The following SFXN5 variants were observed in gnomAD, a reference collection of about 807,000 sequenced individuals.
SFXN5 encodes the protein sideroflexin-5.
SFXN5 carries 43 observed loss-of-function variants against 50.2 expected under a neutral mutation model. That is an observed-to-expected ratio of 0.86 (90% CI 0.67 to 1.11). The LOEUF is 1.11. SFXN5 is among the 50% of genes least tolerant of loss of function. The probability of loss-of-function intolerance (pLI) is 0.00; values close to 1 mark genes in which losing one functional copy is unlikely to be tolerated. For missense variants in SFXN5, 463 were observed against 454.1 expected, an observed-to-expected ratio of 1.02 and a Z score of -0.18; for synonymous variants, 203 against 185.8, an observed-to-expected ratio of 1.09 and a Z score of -0.75.
chr2:73,047,217 C>T (rs1250228624), intron 2 of SFXN5, among the ~76,000 whole-genome samples: 4 of 23,988 alleles, frequency 1.7e-4, no homozygotes, highest in East Asian at 1.7e-3. Flanking sequence ...GACTCCATCT[C>T]GTAAAAAAAA....
intron 2 of SFXN5, among the ~76,000 whole-genome samples, chr2:73,048,031 A>G (rs1160631873): frequency 6.6e-6 from 1 of 152,248 alleles, no homozygotes; most frequent in African/African-American, 2.4e-5. Context: ...TCATGACATG[A>G]AAAACTGCTC....
At chr2:73,037,591 G>T (rs1002399691) in intron 3 of SFXN5, among the ~76,000 whole-genome samples, 1 of 152,132 alleles carries the variant, frequency 6.6e-6, no homozygotes, top group African/African-American at 2.4e-5. Flanking sequence ...TGGAATTTCA[G>T]AAACAAATTT....
intron 12 of SFXN5, among the ~76,000 whole-genome samples, chr2:72,966,432 C>G (rs374378667): frequency 7.9e-5 from 12 of 152,282 alleles, no homozygotes; most frequent in African/African-American, 2.6e-4. Context: ...CCTCAGTTCA[C>G]GAAGGGGCTA....
intron 3 of SFXN5, among the ~76,000 whole-genome samples, chr2:73,040,158 T>C (rs560513317): frequency 5.9e-5 from 9 of 152,282 alleles, no homozygotes; most frequent in Non-Finnish European, 1.2e-4. Context: ...TATGCACACA[T>C]GACTTTGAAA....
At chr2:73,069,360 G>A (rs771556785) in intron 1 of SFXN5, among the ~76,000 whole-genome samples, 5 of 152,148 alleles carry the variant, frequency 3.3e-5, no homozygotes, top group Non-Finnish European at 5.9e-5. Flanking sequence ...TGTGTAAGAG[G>A]TAAGATCACT....
chr2:73,059,784 C>T lies in SFXN5; in HGVS notation c.103-1188G>A, dbSNP rs1574266746. On this transcript the variant is annotated intron_variant, in intron 1 of 13. Transcript: ENST00000272433. ...AGACCATTTTCCCATTAAAGACATA[C>T]ATAAGGGAGGCTCACAATGCTGTCC... 4.1e-6 allele frequency: 4 copies of T among 979,828 alleles called. 1 individual carries two copies. Among genetic ancestry groups the T allele is most frequent in the East Asian group, 1.2e-4 (1 of 8,478 alleles). The allele number at this position is 979,828 out of a possible 1,614,324, so 60.7% of individuals were successfully genotyped here.
intron 11 of SFXN5, among the ~76,000 whole-genome samples, chr2:72,971,171 C>T (rs1006277957): frequency 4.6e-5 from 7 of 152,154 alleles, no homozygotes; most frequent in Non-Finnish European, 1.0e-4. Context: ...GAACCACAAA[C>T]CACTGGCCTC....
chr2:72,975,332 T>C (rs1574006172), intron 10 of SFXN5, among the ~76,000 whole-genome samples: 1 of 152,094 alleles, frequency 6.6e-6, no homozygotes, highest in South Asian at 2.1e-4. Flanking sequence ...AAGAAGATCA[T>C]GGGGGAGCCT....
At chr2:72,952,942 T>A (rs749814218) in intron 13 of SFXN5, among the ~76,000 whole-genome samples, 1 of 152,188 alleles carries the variant, frequency 6.6e-6, no homozygotes, top group Non-Finnish European at 1.5e-5. Flanking sequence ...TAATGGAAGC[T>A]CTGCACAACC....
intron 6 of SFXN5, among the ~76,000 whole-genome samples, chr2:73,009,103 T>C (rs138330884): frequency 2.7e-4 from 41 of 152,298 alleles, no homozygotes; most frequent in African/African-American, 9.4e-4. Flanking sequence ...AGGGACCCAG[T>C]TCCTAGCACA....
chr2:73,028,392 G>A (rs572886333), intron 3 of SFXN5, among the ~76,000 whole-genome samples: 11 of 152,294 alleles, frequency 7.2e-5, no homozygotes, highest in Admixed American at 7.2e-4. Context: ...AGTGACTGCT[G>A]CAACCCTCCA....
chr2:73,071,527 G>C (rs1180516956), intron 1 of SFXN5, 77 bp downstream of exon 1: 2 of 1,396,656 alleles, frequency 1.4e-6, no homozygotes, highest in African/African-American at 2.9e-5. Context: ...CCCTTGGGCG[G>C]AAGGGGACTT....
At chr2:73,048,143 G>T (rs181330468) in intron 2 of SFXN5, among the ~76,000 whole-genome samples, 175 of 152,198 alleles carry the variant, frequency 1.1e-3, no homozygotes, top group African/African-American at 4.0e-3. Flanking sequence ...GTATATACAC[G>T]TATCATGCAT....
At chr2:73,060,660 A>G (rs190920458) in intron 1 of SFXN5, among the ~76,000 whole-genome samples, 5 of 152,192 alleles carry the variant, frequency 3.3e-5, no homozygotes, top group African/African-American at 1.2e-4. Context: ...AGTCTCCTGA[A>G]TATAATTACT....
chr2:73,062,968 A>G (rs1347861816), intron 1 of SFXN5, among the ~76,000 whole-genome samples: 1 of 152,156 alleles, frequency 6.6e-6, no homozygotes, highest in Admixed American at 6.5e-5. Flanking sequence ...ACTACCGAGG[A>G]TCTACTGTGT....
chr2:73,058,657 C>T (rs1461250438), intron 1 of SFXN5, 61 bp from the exon 2 acceptor site: 11 of 1,473,804 alleles, frequency 7.5e-6, no homozygotes, highest in Admixed American at 6.7e-5. Context: ...CTTCTCCAGA[C>T]ACTGGAGAGC....
At position 72,953,437 on chromosome 2, in the gene SFXN5, G is replaced by A. The variant is rs1672751206; in HGVS notation, c.945+7694C>T. ...CTGAATGCTGCTGTAGACTCAGGAGGGATGCAATGTGCCCTAGACATTGTC... is the reference window on the plus strand; with the variant it reads ...CTGAATGCTGCTGTAGACTCAGGAGAGATGCAATGTGCCCTAGACATTGTC... On this transcript the variant is annotated intron_variant, in intron 13 of 13. Coordinates refer to ENST00000272433, the MANE Select transcript of SFXN5 (RefSeq NM_144579.3). The surrounding 1 kb of genome is among the most constrained non-coding windows in gnomAD (Gnocchi z 4.1). 6.6e-6 allele frequency among the ~76,000 whole-genome samples: 1 copy of A among 152,126 alleles called. No individual in the cohort carries two copies. Among genetic ancestry groups the A allele is most frequent in the African/African-American group, 2.4e-5 (1 of 41,430 alleles).
At chr2:73,056,595 G>T (rs1231516318) in intron 2 of SFXN5, among the ~76,000 whole-genome samples, 1 of 151,260 alleles carries the variant, frequency 6.6e-6, no homozygotes, top group Non-Finnish European at 1.5e-5. Flanking sequence ...TGAGGCAGGA[G>T]AATCGCTTGA....
intron 13 of SFXN5, among the ~76,000 whole-genome samples, chr2:72,957,478 C>A (rs1308115612): frequency 1.3e-5 from 2 of 152,212 alleles, no homozygotes; most frequent in African/African-American, 4.8e-5. Context: ...GGAAACTCCA[C>A]AACAATCACT....
Sources: allele counts gnomAD v4.1 joint callset (sites outside exome capture counted in the v4.1 genomes callset), GRCh38; gene constraint gnomAD v4.1.1; non-coding constraint Gnocchi (gnomAD v3.1); transcripts MANE v1.5; gene names NCBI Gene and HGNC (gene_info 2026-07-23, HGNC 2026-07-21).